Variants in PLCB1 observed in about 807,000 individuals in gnomAD.
PLCB1 encodes the protein 1-phosphatidylinositol 4,5-bisphosphate phosphodiesterase beta-1.
In PLCB1, 46 loss-of-function variants were observed where a neutral mutation model predicts 161.8. The ratio of observed to expected loss-of-function variants is 0.28; its 90% CI spans 0.22 to 0.36. PLCB1 has a LOEUF of 0.36. Among genes scored for constraint, PLCB1 ranks in the 10% least tolerant of loss-of-function variants. PLCB1 has a pLI of 1.00. For missense variants in PLCB1, 1,016 were observed against 1,472.5 expected (o/e 0.69, Z 5.07); for synonymous variants, 517 against 503.7 (o/e 1.03, Z -0.35).
intron 2 of PLCB1, among the ~76,000 whole-genome samples, chr20:8,202,311 A>G (rs2052101237): frequency 1.3e-5 from 2 of 152,200 alleles, no homozygotes; most frequent in South Asian, 4.1e-4. Flanking sequence ...CCTGGCTTCA[A>G]GTGATCCGCT....
intron 4 of PLCB1, among the ~76,000 whole-genome samples, chr20:8,643,976 T>C (rs1025189493): frequency 5.3e-5 from 8 of 152,232 alleles, no homozygotes; most frequent in Non-Finnish European, 1.5e-5. Flanking sequence ...CGTATTTTTT[T>C]GGTGGAGACG....
chr20:8,443,401 G>A (rs1980661075), intron 3 of PLCB1, among the ~76,000 whole-genome samples: 1 of 152,160 alleles, frequency 6.6e-6, no homozygotes, highest in South Asian at 2.1e-4. Flanking sequence ...GTGAGGCCCT[G>A]CTTTTTATAA....
Position 8,682,898 on chromosome 20 carries a change from G to T in PLCB1, c.863-2034G>T, listed in dbSNP as rs572923378. On this transcript the variant is annotated intron_variant, in intron 9 of 31. Coordinates refer to ENST00000338037, the MANE Select transcript of PLCB1 (RefSeq NM_015192.4). ...TCTATTTCTGGGAATTCATCCTGAA[G>T]AAATAATTAAGTATTTATACAAAGA... is the stretch of plus-strand genomic sequence containing the variant. 2.0e-5 allele frequency among the ~76,000 whole-genome samples: 3 copies of T among 152,156 alleles called. No individual in the cohort carries two copies. In the South Asian group the frequency reaches 6.2e-4, roughly 32 times the overall value.
chr20:8,243,520 G>A (rs1057288926), intron 2 of PLCB1, among the ~76,000 whole-genome samples: 2 of 151,854 alleles, frequency 1.3e-5, no homozygotes, highest in Non-Finnish European at 2.9e-5. Flanking sequence ...CCGGCTAAGG[G>A]AGCTATGTAC....
chr20:8,649,341 A>G, intron 6 of PLCB1, 33 bp from the exon 7 acceptor site: 1 of 1,536,668 alleles, frequency 6.5e-7, no homozygotes, highest in African/African-American at 1.4e-5. Context: ...TGTGCCATTT[A>G]AACCTCTCTC....
At chr20:8,368,956 A>T (rs1986814998) in intron 2 of PLCB1, among the ~76,000 whole-genome samples, 1 of 143,158 alleles carries the variant, frequency 7.0e-6, no homozygotes, top group Non-Finnish European at 1.5e-5. Flanking sequence ...CTCTGTAGCC[A>T]ATGTCTGTAG....
At chr20:8,809,831 A>C (rs946800709) in intron 31 of PLCB1, among the ~76,000 whole-genome samples, 1 of 152,112 alleles carries the variant, frequency 6.6e-6, no homozygotes, top group Non-Finnish European at 1.5e-5. Context: ...TGTTTTAAGG[A>C]CAACAGAAAA....
chr20:8,732,444 T>G (rs1451289787), intron 18 of PLCB1, among the ~76,000 whole-genome samples: 1 of 151,584 alleles, frequency 6.6e-6, no homozygotes, highest in East Asian at 1.9e-4. Context: ...ACAATGATGT[T>G]TATCAAAACA....
At chr20:8,383,612 A>G (rs958973180) in intron 3 of PLCB1, among the ~76,000 whole-genome samples, 1 of 152,194 alleles carries the variant, frequency 6.6e-6, no homozygotes, top group African/African-American at 2.4e-5. Context: ...TAGTTGATGC[A>G]GTTTCTTCAT....
At chr20:8,409,140 A>C (rs1180948912) in intron 3 of PLCB1, among the ~76,000 whole-genome samples, 1 of 152,206 alleles carries the variant, frequency 6.6e-6, no homozygotes, top group African/African-American at 2.4e-5. Context: ...GCAAAAACCC[A>C]GTGGACATAA....
At chr20:8,818,652 A>T (rs996992) in intron 31 of PLCB1, among the ~76,000 whole-genome samples, 4 of 152,002 alleles carry the variant, frequency 2.6e-5, no homozygotes, top group Non-Finnish European at 2.9e-5. Flanking sequence ...AATATATAAC[A>T]TCATAACAAG....
At chr20:8,494,023 C>A (rs1983056378) in intron 3 of PLCB1, among the ~76,000 whole-genome samples, 1 of 133,298 alleles carries the variant, frequency 7.5e-6, no homozygotes, top group Non-Finnish European at 1.6e-5. Context: ...TATAGCATCA[C>A]TGGAAGCTGA....
intron 4 of PLCB1, among the ~76,000 whole-genome samples, chr20:8,640,781 C>T (rs191477019): frequency 3.9e-5 from 6 of 152,316 alleles, no homozygotes; most frequent in Admixed American, 2.0e-4. Flanking sequence ...CAGCTGCAGT[C>T]GTCTCATTGT....
intron 3 of PLCB1, among the ~76,000 whole-genome samples, chr20:8,439,749 T>C (rs1191016132): frequency 6.6e-6 from 1 of 152,176 alleles, no homozygotes. Context: ...TTTTCCCTTC[T>C]TTTCACTGGT....
At chr20:8,369,789 C>T (rs1986845012) in intron 2 of PLCB1, among the ~76,000 whole-genome samples, 2 of 152,210 alleles carry the variant, frequency 1.3e-5, no homozygotes, top group African/African-American at 4.8e-5. Flanking sequence ...CAGAGACCCA[C>T]TGTTTCCTGT....
chr20:8,587,289 T>C (rs1389797909), intron 3 of PLCB1, among the ~76,000 whole-genome samples: 1 of 152,146 alleles, frequency 6.6e-6, no homozygotes, highest in Non-Finnish European at 1.5e-5. Context: ...AGTTGGGTTA[T>C]TATTAATTAG....
At chr20:8,365,397 A>G (rs1482081852) in intron 2 of PLCB1, among the ~76,000 whole-genome samples, 1 of 152,114 alleles carries the variant, frequency 6.6e-6, no homozygotes, top group Admixed American at 6.6e-5. Flanking sequence ...TATACCTCTC[A>G]TTTCCATTGG....
intron 2 of PLCB1, among the ~76,000 whole-genome samples, chr20:8,198,154 G>A (rs530499606): frequency 3.8e-4 from 58 of 152,100 alleles, no homozygotes; most frequent in South Asian, 2.7e-3. Flanking sequence ...CTCTTTTTTC[G>A]TTCCATATGA....
intron 2 of PLCB1, among the ~76,000 whole-genome samples, chr20:8,253,123 T>C (rs1341579403): frequency 3.9e-5 from 6 of 151,944 alleles, no homozygotes; most frequent in Non-Finnish European, 7.4e-5. Flanking sequence ...CCTGTTGATA[T>C]CATGTGCAGA....
Sources: gnomAD v4.1 joint callset for allele counts (sites outside exome capture counted in the v4.1 genomes callset) on GRCh38, gnomAD v4.1.1 for gene constraint, MANE v1.5 for transcripts, NCBI Gene and HGNC (gene_info 2026-07-23, HGNC 2026-07-21) for gene names.